Variants in SLC12A3 observed in about 807,000 individuals in gnomAD.
The protein encoded by SLC12A3 is solute carrier family 12 member 3.
In SLC12A3, 104 loss-of-function variants were observed where a neutral mutation model predicts 121.0. The ratio of observed to expected loss-of-function variants is 0.86; its 90% confidence interval spans 0.73 to 1.01. The LOEUF (loss-of-function observed/expected upper bound fraction) is 1.01. Ranked by LOEUF, SLC12A3 falls within the 50% of genes least tolerant of loss-of-function variation. SLC12A3 has a pLI of 0.00. For synonymous variants in SLC12A3, 536 were observed against 533.4 expected (o/e 1.00, Z -0.07); for missense variants, 1,328 against 1,356.3 (o/e 0.98, Z 0.33).
rs1964327877 is a variant in SLC12A3, at chr16:56,865,385, C to G, written c.150C>G (p.Thr50=). ...SHPSHLTHSS[T]FCMRTFGYNT... ...CCAGCCACCTGACCCACAGCAGCACCTTCTGCATGCGCACCTTTGGCTACA... is the reference window on the plus strand; with the variant it reads ...CCAGCCACCTGACCCACAGCAGCACGTTCTGCATGCGCACCTTTGGCTACA... The change falls in exon 1 of 26, where the codon ACC becomes ACG. Residue 50 remains threonine (T), a synonymous_variant. Transcript: ENST00000563236. The G allele has an allele frequency of 3.1e-6, 5 of 1,614,222 alleles. No homozygotes were observed. In the East Asian group the frequency reaches 1.1e-4, roughly 36 times the overall value.
chr16:56,893,102 G>A lies in SLC12A3; in HGVS notation c.2521+48G>A, dbSNP rs375675296. ...CCCTCCTGCCCGGCGGGGGCGGGGT[G>A]GTGGTGGTCTTCCTTCCTTCTCCTT... On this transcript the variant is annotated intron_variant, in intron 21 of 25. Transcript: ENST00000563236. 1.6e-5 allele frequency: 23 copies of A among 1,480,910 alleles called. No individual in the cohort carries two copies. In the African/African-American group the frequency reaches 2.8e-4, roughly 18 times the overall value. 91.7% of individuals were successfully genotyped at this position (1,480,910 alleles called of 1,614,324 possible).
chr16:56,885,216 AGTG>A, intron 14 of SLC12A3, 46 bp from the exon 15 acceptor site: 8 of 1,123,210 alleles, frequency 7.1e-6, no homozygotes, highest in Non-Finnish European at 1.1e-5. Flanking sequence ...GGTTTCCTCT[AGTG>A]ATTCCTAACT....
In SLC12A3 at chr16:56,886,856, C is replaced by T. The variant is rs1423469297; in HGVS notation, c.2038-97C>T. The stretch of plus-strand genomic sequence containing the variant: ...AAGAAAAGGGCACCGTGGGTGCTGC[C>T]AAGCCCCTGGGGCAGCCTCCAGGGC... On this transcript the variant is annotated intron_variant, in intron 16 of 25. Coordinates refer to ENST00000563236, the MANE Select transcript of SLC12A3 (RefSeq NM_001126108.2). 7 of 1,559,176 alleles carry T rather than the reference C, an allele frequency of 4.5e-6. No individual in the cohort carries two copies. The East Asian group carries it at 1.6e-4, about 36-fold the overall frequency.
chr16:56,897,676 G>A (rs576070434), intron 22 of SLC12A3, among the ~76,000 whole-genome samples: 1 of 152,306 alleles, frequency 6.6e-6, no homozygotes, highest in South Asian at 2.1e-4. Context: ...CTGAATGGAA[G>A]CTGGGTTCAG....
At chr16:56,898,258 T>G (rs1032704864) in intron 22 of SLC12A3, among the ~76,000 whole-genome samples, 8 of 108,342 alleles carry the variant, frequency 7.4e-5, no homozygotes, top group Non-Finnish European at 1.1e-4. Flanking sequence ...GATTTGGTTT[T>G]GTTTTGTTTT....
Position 56,914,362 on chromosome 16 carries a change from C to T in SLC12A3, c.*957C>T, listed in dbSNP as rs1199879945. 2.0e-5 allele frequency: 3 copies of T among 152,262 alleles called. No homozygotes were observed. The highest frequency in any genetic ancestry group is 6.5e-5 in the Admixed American group (1 of 15,288). 9.4% of individuals were successfully genotyped at this position (152,262 alleles called of 1,614,324 possible). On this transcript the variant is annotated 3_prime_UTR_variant, in exon 26 of 26. Transcript: ENST00000563236. ...TTCACACTGAGACTTGCAGCGCACA[C>T]ACACGGAAACGACCAAAACAAAAAT...
rs1296025777 is a variant in SLC12A3, at chr16:56,915,193, G to A, written c.*1788G>A. On this transcript the variant is annotated 3_prime_UTR_variant, in exon 26 of 26. Transcript: ENST00000563236. The stretch of plus-strand genomic sequence containing the variant: ...GTAAAGGTGAGTTGTTTGGTGGTAC[G>A]ACTGCCTGTGCCTTCTTCCGATGGC... 6.6e-6 allele frequency: 1 copy of A among 152,212 alleles called. No homozygotes were observed. Among genetic ancestry groups the A allele is most frequent in the Non-Finnish European group, 1.5e-5 (1 of 68,044 alleles). 9.4% of individuals were successfully genotyped at this position (152,212 alleles called of 1,614,324 possible).
At chr16:56,885,408 G>C (rs1042244720) in intron 15 of SLC12A3, 44 bp downstream of exon 15, 16 of 1,266,958 alleles carry the variant, frequency 1.3e-5, no homozygotes, top group Non-Finnish European at 1.8e-5. Flanking sequence ...CAGGGCCAGT[G>C]ATGGCTCCAC....
intron 22 of SLC12A3, among the ~76,000 whole-genome samples, chr16:56,897,163 G>A (rs554009726): frequency 6.6e-6 from 1 of 152,258 alleles, no homozygotes; most frequent in African/African-American, 2.4e-5. Context: ...AGTAAGGCAG[G>A]TGGCACACAA....
Position 56,884,221 on chromosome 16 carries a change from C to G in SLC12A3, c.1825+17C>G. The G allele has an allele frequency of 1.2e-6, 2 of 1,613,502 alleles. No homozygotes were observed. The highest frequency in any genetic ancestry group is 3.3e-5 in the Admixed American group (2 of 60,018). On this transcript the variant is annotated intron_variant, in intron 14 of 25. Coordinates refer to ENST00000563236, the MANE Select transcript of SLC12A3 (RefSeq NM_001126108.2). ...AGAAGCCAGGTGCGCATCTCAGCTG[C>G]GGGGCCTCGGCCCTCCTCCCCCAGG... is the stretch of plus-strand genomic sequence containing the variant.
chr16:56,902,364 C>T lies in SLC12A3; in HGVS notation c.2721-9C>T, dbSNP rs1489717334. On this transcript the variant is annotated splice_polypyrimidine_tract_variant and intron_variant, in intron 23 of 25. Transcript: ENST00000563236. ...CTCAGCCGGCCTCAACCCACTTTCT[C>T]GTCCCCAGCACCAAGAGGTTTGAGG... is the stretch of plus-strand genomic sequence containing the variant. 3.1e-6 allele frequency: 5 copies of T among 1,613,948 alleles called. No individual in the cohort carries two copies. Among genetic ancestry groups the T allele is most frequent in the Admixed American group, 1.7e-5 (1 of 59,992 alleles).
At chr16:56,887,672 G>A (rs1293371542) in intron 17 of SLC12A3, among the ~76,000 whole-genome samples, 30 of 150,832 alleles carry the variant, frequency 2.0e-4, no homozygotes, top group Admixed American at 1.4e-3. Flanking sequence ...GTGACCAAGC[G>A]AGAACTAGAA....
In SLC12A3 at chr16:56,885,324, G is replaced by C. The variant is rs2055295877; in HGVS notation, c.1885G>C (p.Val629Leu). ...GSYNLALSYS[V>L]GLNEVEDHIK... Reference sequence around the variant, plus strand: ...CTACAACCTGGCCCTCAGCTACTCGGTGGGCCTCAATGAGGTGGAAGACCA... The same window carrying C: ...CTACAACCTGGCCCTCAGCTACTCGCTGGGCCTCAATGAGGTGGAAGACCA... Residue 629 changes from valine (V) to leucine (L), a missense_variant, in exon 15 of 26, where the codon GTG becomes CTG. By Grantham distance (32) the Val-to-Leu change is conservative. Coordinates refer to ENST00000563236, the MANE Select transcript of SLC12A3 (RefSeq NM_001126108.2). 1.3e-6 allele frequency: 2 copies of C among 1,555,970 alleles called. No individual in the cohort carries two copies. Among genetic ancestry groups the C allele is most frequent in the Admixed American group, 1.9e-5 (1 of 51,540 alleles).
Position 56,868,337 on chromosome 16 carries a change from T to C in SLC12A3, c.470T>C (p.Leu157Pro), listed in dbSNP as rs775047246. ...MLNIWGVILY[L>P]RLPWITAQAG... ...AACATTTGGGGCGTGATCCTCTACC[T>C]GCGGCTGCCCTGGATTACGGCCCAG... is the stretch of plus-strand genomic sequence containing the variant. Residue 157 changes from leucine to proline, a missense_variant, in exon 3 of 26, where the codon CTG becomes CCG. Coordinates refer to ENST00000563236, the MANE Select transcript of SLC12A3 (RefSeq NM_001126108.2). The C allele has an allele frequency of 2.5e-6, 4 of 1,613,908 alleles. No homozygotes were observed. The highest frequency in any genetic ancestry group is 3.4e-6 in the Non-Finnish European group (4 of 1,179,946).
intron 23 of SLC12A3, among the ~76,000 whole-genome samples, chr16:56,900,519 T>TTTTTTTTATTTATTTATTTA (rs1555502161): frequency 1.3e-5 from 2 of 148,436 alleles, no homozygotes; most frequent in East Asian, 4.0e-4. Flanking sequence ...AGCATCTGAT[T>TTTTTTTTATTTATTTATTTA]TTTATTTATT....
chr16:56,872,351 G>T lies in SLC12A3; in HGVS notation c.853G>T (p.Ala285Ser). The change falls in exon 7 of 26, where the codon GCC becomes TCC. Residue 285 changes from alanine (A) to serine (S), a missense_variant and splice_region_variant. Coordinates refer to ENST00000563236, the MANE Select transcript of SLC12A3 (RefSeq NM_001126108.2). ...CTCTGGGGTCCTTCGCCCCCTCCAG[G>T]CCCAGGTGCTGTTCTTCCTTGTCAT... ...SLAGMEWESK[A>S]QVLFFLVIMV... is the part of the protein sequence containing the mutation. 6.2e-7 allele frequency: 1 copy of T among 1,612,382 alleles called. No individual in the cohort carries two copies.
intron 25 of SLC12A3, among the ~76,000 whole-genome samples, chr16:56,908,161 CTTTT>C (rs55644914): frequency 1.0e-5 from 1 of 96,986 alleles, no homozygotes. Context: ...AGTGATATAA[CTTTT>C]TTTTTTTTTT....
chr16:56,901,892 C>T (rs1286012385), intron 23 of SLC12A3, among the ~76,000 whole-genome samples: 2 of 152,214 alleles, frequency 1.3e-5, no homozygotes, highest in Non-Finnish European at 2.9e-5. Context: ...CGCTTCTGCA[C>T]CCCCTGTCCC....
At chr16:56,874,935 T>C (rs1268638765) in intron 8 of SLC12A3, among the ~76,000 whole-genome samples, 1 of 152,182 alleles carries the variant, frequency 6.6e-6, no homozygotes, top group Non-Finnish European at 1.5e-5. Flanking sequence ...TTGGTTTGGC[T>C]CCTCTCCTTT....
Sources: gnomAD v4.1 joint callset for allele counts (sites outside exome capture counted in the v4.1 genomes callset) on GRCh38, gnomAD v4.1.1 for gene constraint, MANE v1.5 for transcripts, NCBI Gene and HGNC (gene_info 2026-07-23, HGNC 2026-07-21) for gene names.